Variants in RIGI observed in about 807,000 individuals in gnomAD.
The protein encoded by RIGI is RNA sensor RIG-I, also known as antiviral innate immune response receptor RIG-I.
chr9:32,494,110 TAGTC>T, the RIGI span, among the ~76,000 whole-genome samples: 1 of 152,240 alleles, frequency 6.6e-6, no homozygotes, highest in East Asian at 1.9e-4. Context: ...GTATTCATTT[TAGTC>T]AGCCAACACT....
At chr9:32,510,761 C>T in the RIGI span, among the ~76,000 whole-genome samples, 2 of 152,098 alleles carry the variant, frequency 1.3e-5, no homozygotes, top group Non-Finnish European at 2.9e-5. Flanking sequence ...TGTGAATGGG[C>T]TAAATGCCCC....
At chr9:32,472,967 A>G in the RIGI span, 360 of 1,600,224 alleles carry the variant, frequency 2.2e-4, 1 homozygote, top group Non-Finnish European at 2.5e-4. Flanking sequence ...TTCACTATAT[A>G]TAAATACCTG....
chr9:32,479,726 A>G, the RIGI span, among the ~76,000 whole-genome samples: 2 of 151,580 alleles, frequency 1.3e-5, no homozygotes, highest in African/African-American at 4.8e-5. Context: ...AGTCCTGGCT[A>G]CTCGGGAGGC....
chr9:32,512,497 C>T, the RIGI span, among the ~76,000 whole-genome samples: 34 of 152,068 alleles, frequency 2.2e-4, no homozygotes, highest in Non-Finnish European at 4.4e-4. Flanking sequence ...ATGCAGAAAA[C>T]GCCGTTGATA....
At chr9:32,473,976 C>T in the RIGI span, among the ~76,000 whole-genome samples, 2 of 152,006 alleles carry the variant, frequency 1.3e-5, no homozygotes, top group African/African-American at 4.8e-5. Flanking sequence ...TGCAGTGAGC[C>T]GAGGTTGTGC....
chr9:32,481,864 C>T, the RIGI span, among the ~76,000 whole-genome samples: 1 of 152,180 alleles, frequency 6.6e-6, no homozygotes, highest in Non-Finnish European at 1.5e-5. Flanking sequence ...GGATTACAGG[C>T]GTGAGCCACT....
At chr9:32,521,139 CAAAA>C in the RIGI span, among the ~76,000 whole-genome samples, 6 of 32,780 alleles carry the variant, frequency 1.8e-4, no homozygotes, top group East Asian at 9.0e-4. Context: ...GACACCATCT[CAAAA>C]AAAAAAAAAA....
At chr9:32,474,421 G>A in the RIGI span, among the ~76,000 whole-genome samples, 1 of 152,122 alleles carries the variant, frequency 6.6e-6, no homozygotes, top group Non-Finnish European at 1.5e-5. Context: ...CCCCTCCCCT[G>A]AGTGTGAAGG....
chr9:32,524,631 A>G, the RIGI span, among the ~76,000 whole-genome samples: 1 of 72,148 alleles, frequency 1.4e-5, no homozygotes. Flanking sequence ...TTTTGGAGAC[A>G]AGAGTCTCAC....
chr9:32,460,061 C>T, the RIGI span, among the ~76,000 whole-genome samples: 1 of 152,158 alleles, frequency 6.6e-6, no homozygotes, highest in African/African-American at 2.4e-5. Flanking sequence ...CCAGTCTTTC[C>T]TGTGCTATTC....
At chr9:32,517,453 A>G in the RIGI span, among the ~76,000 whole-genome samples, 1 of 152,228 alleles carries the variant, frequency 6.6e-6, no homozygotes. Flanking sequence ...CTTATAAATA[A>G]GAGTGCTCAT....
chr9:32,521,408 T>G, the RIGI span, among the ~76,000 whole-genome samples: 1 of 152,144 alleles, frequency 6.6e-6, no homozygotes, highest in South Asian at 2.1e-4. Flanking sequence ...GGCCTTATTG[T>G]TGGGAAACTG....
chr9:32,499,445 G>GTTTATTTATTTA, the RIGI span, among the ~76,000 whole-genome samples: 2 of 150,400 alleles, frequency 1.3e-5, no homozygotes, highest in Admixed American at 6.6e-5. Context: ...TAAATACAGG[G>GTTTATTTATTTA]TTTATTTATT....
At chr9:32,480,533 C>A in the RIGI span, among the ~76,000 whole-genome samples, 1 of 152,038 alleles carries the variant, frequency 6.6e-6, no homozygotes. Flanking sequence ...ATCTTTGAAC[C>A]AAATACTGTT....
chr9:32,493,571 C>T, the RIGI span, among the ~76,000 whole-genome samples: 1 of 151,398 alleles, frequency 6.6e-6, no homozygotes, highest in African/African-American at 2.4e-5. Context: ...TGCAATGAGC[C>T]GAGATCACAC....
chr9:32,525,757 GCA>G, the RIGI span, among the ~76,000 whole-genome samples: 8 of 151,412 alleles, frequency 5.3e-5, no homozygotes, highest in African/African-American at 1.5e-4. Flanking sequence ...ACCCAGCCAA[GCA>G]CACAGTAGAC....
chr9:32,483,514 T>C, the RIGI span, among the ~76,000 whole-genome samples: 1 of 152,156 alleles, frequency 6.6e-6, no homozygotes, highest in Non-Finnish European at 1.5e-5. Flanking sequence ...CGTCTCTCCA[T>C]CCTTCTGCTA....
At chr9:32,467,994 A>T in the RIGI span, 71 of 1,437,166 alleles carry the variant, frequency 4.9e-5, no homozygotes, top group Middle Eastern at 1.8e-4. Context: ...CCTTGAAAAA[A>T]CAGCTACTAA....
At chr9:32,479,370 C>T in the RIGI span, among the ~76,000 whole-genome samples, 1 of 152,004 alleles carries the variant, frequency 6.6e-6, no homozygotes, top group Non-Finnish European at 1.5e-5. Flanking sequence ...CACATATGTA[C>T]AGTAAATACT....
Sources: allele counts gnomAD v4.1 joint callset (sites outside exome capture counted in the v4.1 genomes callset), GRCh38; gene constraint gnomAD v4.1.1; transcripts MANE v1.5; gene names NCBI Gene and HGNC (gene_info 2026-07-23, HGNC 2026-07-21).